Variants in EPHA3 observed in about 807,000 individuals in gnomAD.
The protein encoded by EPHA3 is ephrin type-A receptor 3.
Under a neutral mutation model 107.1 loss-of-function variants are expected in EPHA3, and 42 were observed. The ratio of observed to expected loss-of-function variants is 0.39; its 90% confidence interval spans 0.31 to 0.51. EPHA3 has a LOEUF of 0.51. EPHA3 is among the 20% of genes least tolerant of loss of function. The pLI is 0.78. For missense variants in EPHA3, 1,183 were observed against 1,211.2 expected, an observed-to-expected ratio of 0.98 and a Z score of 0.35; for synonymous variants, 461 against 424.8, an observed-to-expected ratio of 1.09 and a Z score of -1.05.
At chr3:89,113,485 CAA>C (rs753848304) in intron 1 of EPHA3, among the ~76,000 whole-genome samples, 38 of 31,094 alleles carry the variant, frequency 1.2e-3, no homozygotes, top group South Asian at 5.6e-3. Flanking sequence ...TTCCTTTGTA[CAA>C]AAAAAAAAAA....
At chr3:89,124,282 CA>C (rs1704041112) in intron 1 of EPHA3, among the ~76,000 whole-genome samples, 1 of 152,114 alleles carries the variant, frequency 6.6e-6, no homozygotes, top group South Asian at 2.1e-4. Context: ...TACATTGAGT[CA>C]ATGTATGCAG....
At chr3:89,359,792 C>T (rs1342844104) in intron 5 of EPHA3, among the ~76,000 whole-genome samples, 5 of 142,900 alleles carry the variant, frequency 3.5e-5, no homozygotes, top group African/African-American at 7.6e-5. Context: ...CATATATATA[C>T]ATATATACAC....
intron 1 of EPHA3, among the ~76,000 whole-genome samples, chr3:89,123,732 G>T (rs1042746089): frequency 6.6e-6 from 1 of 152,092 alleles, no homozygotes; most frequent in African/African-American, 2.4e-5. Context: ...AAAAACTCCA[G>T]TTATTTATTT....
intron 16 of EPHA3, among the ~76,000 whole-genome samples, chr3:89,475,894 A>G (rs1431761605): frequency 6.6e-6 from 1 of 151,090 alleles, no homozygotes; most frequent in Non-Finnish European, 1.5e-5. Flanking sequence ...TGTTATGGAG[A>G]CAGCAGCAAC....
intron 2 of EPHA3, among the ~76,000 whole-genome samples, chr3:89,151,122 A>G (rs1704681822): frequency 6.6e-6 from 1 of 152,122 alleles, no homozygotes; most frequent in Non-Finnish European, 1.5e-5. Context: ...AAAAGGAACA[A>G]CTGATGATGC....
chr3:89,304,725 T>A (rs1287235303), intron 3 of EPHA3, among the ~76,000 whole-genome samples: 1 of 152,300 alleles, frequency 6.6e-6, no homozygotes, highest in East Asian at 1.9e-4. Context: ...CAATGTAATA[T>A]GCATATTTAT....
intron 3 of EPHA3, among the ~76,000 whole-genome samples, chr3:89,223,975 T>C (rs1704443375): frequency 6.6e-6 from 1 of 152,220 alleles, no homozygotes; most frequent in Non-Finnish European, 1.5e-5. Context: ...CAATGCCTGG[T>C]TCAAAATCTG....
chr3:89,283,271 G>A (rs1196792010), intron 3 of EPHA3, among the ~76,000 whole-genome samples: 5 of 152,024 alleles, frequency 3.3e-5, no homozygotes, highest in African/African-American at 7.2e-5. Context: ...TAACTGAAAC[G>A]TCATGGAATT....
intron 11 of EPHA3, among the ~76,000 whole-genome samples, chr3:89,422,095 A>G (rs1408594971): frequency 2.7e-5 from 4 of 150,252 alleles, no homozygotes; most frequent in Admixed American, 2.0e-4. Flanking sequence ...TAGATTTTGA[A>G]CTCCTTGGTG....
At chr3:89,415,462 G>T (rs1367954216) in intron 10 of EPHA3, among the ~76,000 whole-genome samples, 12 of 94,602 alleles carry the variant, frequency 1.3e-4, no homozygotes, top group African/African-American at 5.4e-4. Context: ...TAAATTTACA[G>T]AAAGAATATA....
intron 7 of EPHA3, among the ~76,000 whole-genome samples, chr3:89,402,815 T>C (rs1708990881): frequency 6.6e-6 from 1 of 152,094 alleles, no homozygotes; most frequent in Non-Finnish European, 1.5e-5. Flanking sequence ...ATAGCTGGGA[T>C]TACAGGCATG....
At chr3:89,399,599 C>T in intron 7 of EPHA3, 119 bp downstream of exon 7, 3 of 1,439,528 alleles carry the variant, frequency 2.1e-6, no homozygotes, top group Non-Finnish European at 1.8e-6. Flanking sequence ...AGGTATATTG[C>T]TTGGGACATT....
chr3:89,367,550 T>C (rs1708208130), intron 5 of EPHA3, among the ~76,000 whole-genome samples: 1 of 150,550 alleles, frequency 6.6e-6, no homozygotes, highest in Admixed American at 6.7e-5. Context: ...CTCCTTTAAA[T>C]AGTGGCTTCC....
chr3:89,378,842 T>C (rs1708449379), intron 5 of EPHA3, among the ~76,000 whole-genome samples: 1 of 145,678 alleles, frequency 6.9e-6, no homozygotes, highest in African/African-American at 2.4e-5. Flanking sequence ...TGTGTTGAAA[T>C]TGTAAAGGCG....
At chr3:89,108,331 C>T (rs1368745929) in intron 1 of EPHA3, among the ~76,000 whole-genome samples, 3 of 152,054 alleles carry the variant, frequency 2.0e-5, no homozygotes, top group African/African-American at 7.2e-5. Flanking sequence ...TTTGTCGAAG[C>T]GGAGGTGCGT....
At chr3:89,114,559 C>T (rs1433596390) in intron 1 of EPHA3, among the ~76,000 whole-genome samples, 1 of 152,216 alleles carries the variant, frequency 6.6e-6, no homozygotes. Context: ...CCGCGCCTGG[C>T]TGCCCAAGTC....
chr3:89,323,018 T>C (rs1707079506), intron 3 of EPHA3, among the ~76,000 whole-genome samples: 1 of 152,098 alleles, frequency 6.6e-6, no homozygotes. Flanking sequence ...TGAATTATAT[T>C]TAAAAAGTAT....
intron 2 of EPHA3, among the ~76,000 whole-genome samples, chr3:89,150,182 A>G (rs950420208): frequency 6.6e-6 from 1 of 151,966 alleles, no homozygotes; most frequent in Non-Finnish European, 1.5e-5. Context: ...TAATAAGTCA[A>G]ATTATGTTAA....
At chr3:89,224,570 C>T (rs1425086967) in intron 3 of EPHA3, among the ~76,000 whole-genome samples, 3 of 151,934 alleles carry the variant, frequency 2.0e-5, no homozygotes, top group Non-Finnish European at 4.4e-5. Context: ...ACTTTTTGGT[C>T]AGACACGGTG....
Sources: gnomAD v4.1 joint callset for allele counts (sites outside exome capture counted in the v4.1 genomes callset) on GRCh38, gnomAD v4.1.1 for gene constraint, MANE v1.5 for transcripts, NCBI Gene and HGNC (gene_info 2026-07-23, HGNC 2026-07-21) for gene names.